The following NDC1 variants were observed in gnomAD, a reference collection of about 807,000 sequenced individuals.
The protein encoded by NDC1 is NDC1 transmembrane nucleoporin, also known as nucleoporin NDC1.
NDC1 carries 24 observed loss-of-function variants against 89.8 expected under a neutral mutation model. The observed-to-expected ratio is 0.27, with a 90% CI of 0.19 to 0.38. NDC1 has a LOEUF of 0.38. NDC1 is among the 10% of genes least tolerant of loss of function. The probability of loss-of-function intolerance (pLI) is 1.00; values close to 1 mark genes in which losing one functional copy is unlikely to be tolerated. For synonymous variants in NDC1, 296 were observed against 284.8 expected (o/e 1.04, Z -0.39); for missense variants, 728 against 797.6 (o/e 0.91, Z 1.05).
intron 16 of NDC1, among the ~76,000 whole-genome samples, chr1:53,785,719 C>T (rs773854588): frequency 2.6e-5 from 4 of 152,064 alleles, no homozygotes; most frequent in Admixed American, 6.6e-5. Flanking sequence ...ACTATAGGTG[C>T]GCACCACCAC....
intron 3 of NDC1, among the ~76,000 whole-genome samples, chr1:53,830,930 A>T (rs1339507106): frequency 6.6e-6 from 1 of 151,678 alleles, no homozygotes; most frequent in Non-Finnish European, 1.5e-5. Context: ...CTCAAAAAAA[A>T]TAATAAATAG....
chr1:53,822,897 G>A (rs1648722680), intron 5 of NDC1, among the ~76,000 whole-genome samples: 1 of 152,158 alleles, frequency 6.6e-6, no homozygotes, highest in African/African-American at 2.4e-5. Flanking sequence ...TAGAGGGTCA[G>A]AATGGGAATG....
intron 17 of NDC1, 34 bp downstream of exon 17, chr1:53,772,295 A>G (rs753631008): frequency 2.5e-6 from 4 of 1,597,788 alleles, no homozygotes; most frequent in Non-Finnish European, 3.4e-6. Context: ...TCCCCAGAAT[A>G]GGTATCATCA....
In NDC1 at chr1:53,803,516, T is replaced by C. The variant is rs74571779; in HGVS notation, c.1066+412A>G. Among the ~76,000 whole-genome samples, 60 of 152,364 alleles carry C rather than the reference T, an allele frequency of 3.9e-4. 1 individual carries two copies. In the East Asian group the frequency reaches 0.012, roughly 29 times the overall value. ...TTCAATACTTCATTTAATGGACTCA[T>C]TGACATCTGATATTTTATTAAATAC... On this transcript the variant is annotated intron_variant, in intron 10 of 17. Coordinates refer to ENST00000371429, the MANE Select transcript of NDC1 (RefSeq NM_018087.5).
intron 6 of NDC1, among the ~76,000 whole-genome samples, chr1:53,814,833 C>T (rs868370476): frequency 5.3e-5 from 8 of 152,088 alleles, no homozygotes; most frequent in South Asian, 2.1e-4. Context: ...AACACCTTTA[C>T]GCACATAAAC....
intron 5 of NDC1, among the ~76,000 whole-genome samples, chr1:53,819,944 TA>T (rs141131794): frequency 0.12 from 17,950 of 147,608 alleles, 1,182 homozygotes; most frequent in Non-Finnish European, 0.15. Context: ...CTGATGAGCT[TA>T]AAAAAAAAAG....
chr1:53,796,700 T>C lies in NDC1; in HGVS notation c.1573A>G (p.Lys525Glu). ...CCATATCATCCTACCTGTTCACGTT[T>C]ATTCTGAATCCATGAATAAATCACA... The part of the protein sequence containing the change: ...PSVIYSWIQN[K>E]REQIKNFLSK... Residue 525 changes from lysine (K) to glutamate (E), a missense_variant, in exon 13 of 18, where the codon AAA becomes GAA. Lys to Glu is a moderately conservative substitution (Grantham distance 56, BLOSUM62 1). Coordinates refer to ENST00000371429, the MANE Select transcript of NDC1 (RefSeq NM_018087.5). The C allele has an allele frequency of 6.2e-7, 1 of 1,600,382 alleles. No individual in the cohort carries two copies. The highest frequency in any genetic ancestry group is 8.5e-7 in the Non-Finnish European group (1 of 1,173,084).
At position 53,832,615 on chromosome 1, in the gene NDC1, A is replaced by C. The variant is rs767029791; in HGVS notation, c.179-24T>G. ...ATCTAAAACACAAGAGAGATGAATT[A>C]GTAAAGGTTATTCAGTCATGTAGTC... is the stretch of plus-strand genomic sequence containing the variant. On this transcript the variant is annotated intron_variant, in intron 2 of 17. Transcript: ENST00000371429. The C allele has an allele frequency of 4.8e-6, 6 of 1,244,374 alleles. No individual in the cohort carries two copies. In the East Asian group the frequency reaches 1.4e-4, roughly 29 times the overall value. 77.1% of individuals were successfully genotyped at this position (1,244,374 alleles called of 1,614,324 possible). A position where few individuals can be genotyped will look rare whatever the true frequency, so the allele number is the denominator to read the frequency against.
At position 53,767,992 on chromosome 1, in the gene NDC1, T is replaced by C. The variant is rs534511439; in HGVS notation, c.2003A>G (p.Gln668Arg). The C allele has an allele frequency of 6.2e-7, 1 of 1,608,036 alleles. No individual in the cohort carries two copies. The highest frequency in any genetic ancestry group is 2.2e-5 in the East Asian group (1 of 44,722). The change falls in exon 18 of 18, where the codon CAG becomes CGG. Residue 668 changes from glutamine to arginine, a missense_variant. Gln to Arg is a conservative substitution (Grantham distance 43). Coordinates refer to ENST00000371429, the MANE Select transcript of NDC1 (RefSeq NM_018087.5). ...TAACTATTCTTTGAACTCCAAGAAC[T>C]GTTGAAGTCTTTTCTGATGTTCTGC... ...ASAEHQKRLQ[Q>R]FLEFKE
intron 16 of NDC1, among the ~76,000 whole-genome samples, chr1:53,784,839 T>G (rs1647266418): frequency 6.6e-6 from 1 of 151,272 alleles, no homozygotes; most frequent in Non-Finnish European, 1.5e-5. Flanking sequence ...GTGCCTGTAC[T>G]CCCAGCTACT....
At chr1:53,801,251 CCAGT>C (rs2100656656) in intron 10 of NDC1, among the ~76,000 whole-genome samples, 1 of 152,224 alleles carries the variant, frequency 6.6e-6, no homozygotes, top group South Asian at 2.1e-4. Context: ...ACTACGATGT[CCAGT>C]GAGATGCACC....
intron 6 of NDC1, among the ~76,000 whole-genome samples, chr1:53,812,573 G>C (rs1648347163): frequency 6.6e-6 from 1 of 152,094 alleles, no homozygotes; most frequent in Admixed American, 6.5e-5. Flanking sequence ...AAAAAAAGGA[G>C]AATATGGACA....
intron 13 of NDC1, among the ~76,000 whole-genome samples, chr1:53,794,687 T>C (rs146032124): frequency 2.0e-5 from 3 of 152,162 alleles, no homozygotes; most frequent in Non-Finnish European, 2.9e-5. Context: ...CTGGGCAACA[T>C]AGAGACTGTG....
rs776889041 is a variant in NDC1, at chr1:53,832,555, A to G, written c.215T>C (p.Phe72Ser). ...FSDLYSSYVI[F>S]YFLLLSVVII... Reference sequence around the variant, plus strand: ...TACCACTGACAGCAGCAGGAAGTAAAAGATTACATAGGAACTATACAGGTC... The same window carrying G: ...TACCACTGACAGCAGCAGGAAGTAAGAGATTACATAGGAACTATACAGGTC... Residue 72 changes from phenylalanine (F) to serine (S), a missense_variant, in exon 3 of 18, where the codon TTT (phenylalanine) becomes TCT (serine). Physicochemically the swap from Phe to Ser is radical, Grantham distance 155. Coordinates refer to ENST00000371429, the MANE Select transcript of NDC1 (RefSeq NM_018087.5). The G allele has an allele frequency of 8.8e-6, 14 of 1,597,210 alleles. No homozygotes were observed. In the South Asian group the frequency reaches 1.3e-4, roughly 15 times the overall value.
chr1:53,801,729 A>T lies in NDC1; in HGVS notation c.1067-881T>A, dbSNP rs1027524679. On this transcript the variant is annotated intron_variant, in intron 10 of 17. Coordinates refer to ENST00000371429, the MANE Select transcript of NDC1 (RefSeq NM_018087.5). ...TGTTTTGTACTACTGTAATTTGGGT[A>T]CATGAGGAACTGTGTAACCATCCAA... Among the ~76,000 whole-genome samples, 9 of 152,310 alleles carry T rather than the reference A, an allele frequency of 5.9e-5. 1 individual carries two copies. The highest frequency in any genetic ancestry group is 1.9e-4 in the African/African-American group (8 of 41,586).
intron 13 of NDC1, among the ~76,000 whole-genome samples, chr1:53,794,799 CG>C (rs1304681383): frequency 1.3e-5 from 2 of 151,990 alleles, no homozygotes; most frequent in Admixed American, 6.6e-5. Flanking sequence ...CACTTGAGCC[CG>C]GGAGTTCAAG....
At chr1:53,827,482 T>C (rs1648909343) in intron 4 of NDC1, among the ~76,000 whole-genome samples, 1 of 152,182 alleles carries the variant, frequency 6.6e-6, no homozygotes, top group Non-Finnish European at 1.5e-5. Context: ...AATATCAATT[T>C]GCAATTAGTA....
At chr1:53,775,964 T>TA (rs34397016) in intron 16 of NDC1, among the ~76,000 whole-genome samples, 17,714 of 151,508 alleles carry the variant, frequency 0.12, 1,178 homozygotes, top group Non-Finnish European at 0.15. Flanking sequence ...CCTTTTTTTT[T>TA]TTTTTTTTGA....
intron 4 of NDC1, among the ~76,000 whole-genome samples, chr1:53,827,658 G>T (rs1648914223): frequency 3.9e-5 from 6 of 152,082 alleles, no homozygotes; most frequent in Admixed American, 3.9e-4. Flanking sequence ...GATCCCTCTT[G>T]TTTTCTGAAC....
Sources: gnomAD v4.1 joint callset for allele counts (sites outside exome capture counted in the v4.1 genomes callset) on GRCh38, gnomAD v4.1.1 for gene constraint, MANE v1.5 for transcripts, NCBI Gene and HGNC (gene_info 2026-07-23, HGNC 2026-07-21) for gene names.